Variants in RUSC2 observed in about 807,000 individuals in gnomAD.
The protein encoded by RUSC2 is RUN and SH3 domain containing 2, also known as AP-4 complex accessory subunit RUSC2.
Under a neutral mutation model 122.2 loss-of-function variants are expected in RUSC2, and 34 were observed. That is an observed-to-expected ratio of 0.28 (90% CI 0.21 to 0.37). The LOEUF (loss-of-function observed/expected upper bound fraction) is 0.37, where lower values mean the gene tolerates loss of function less well. RUSC2 is among the 10% of genes least tolerant of loss of function. RUSC2 has a pLI of 1.00. For synonymous variants in RUSC2, 784 were observed against 790.0 expected (o/e 0.99, Z 0.13); for missense variants, 1,747 against 1,952.4 (o/e 0.89, Z 1.98).
intron 1 of RUSC2, among the ~76,000 whole-genome samples, chr9:35,498,701 C>CA (rs1396424007): frequency 2.0e-4 from 29 of 146,250 alleles, no homozygotes; most frequent in Admixed American, 1.2e-3. Flanking sequence ...TACTAAAATT[C>CA]AAAAAAAAAA....
Position 35,546,562 on chromosome 9 carries a change from T to G in RUSC2, c.41T>G (p.Val14Gly), listed in dbSNP as rs2132550679. ...AAGCTGACTGGAGAGACCCTCATCGTTCATCACATCCCCCTGGTGCACTGC... is the reference window on the plus strand; with the variant it reads ...AAGCTGACTGGAGAGACCCTCATCGGTCATCACATCCCCCTGGTGCACTGC... ...PPKLTGETLI[V>G]HHIPLVHCQV... The change falls in exon 2 of 12, where the codon GTT becomes GGT. Residue 14 changes from valine to glycine, a missense_variant. By Grantham distance (109) the Val-to-Gly change is moderately radical (BLOSUM62 -3). Coordinates refer to ENST00000361226, the MANE Select transcript of RUSC2 (RefSeq NM_014806.5). The surrounding 1 kb of genome is among the most constrained non-coding windows in gnomAD (Gnocchi z 4.3). 6.7e-7 allele frequency: 1 copy of G among 1,488,672 alleles called. No homozygotes were observed. Among genetic ancestry groups the G allele is most frequent in the Non-Finnish European group, 8.9e-7 (1 of 1,119,392 alleles). The allele number at this position is 1,488,672 out of a possible 1,614,324, so 92.2% of individuals were successfully genotyped here. A position where few individuals can be genotyped will look rare whatever the true frequency, so the allele number is the denominator to read the frequency against.
At chr9:35,513,098 T>C (rs974099760) in intron 1 of RUSC2, among the ~76,000 whole-genome samples, 1 of 152,202 alleles carries the variant, frequency 6.6e-6, no homozygotes, top group African/African-American at 2.4e-5. Flanking sequence ...TGATGACTGC[T>C]AAGAAGCAGA....
intron 1 of RUSC2, among the ~76,000 whole-genome samples, chr9:35,537,908 TAC>T (rs1821562058): frequency 6.6e-6 from 1 of 152,212 alleles, no homozygotes. Context: ...CTACTTCCTG[TAC>T]AACTGGCTCT....
intron 5 of RUSC2, 68 bp downstream of exon 5, chr9:35,556,516 C>T (rs1445984110): frequency 2.9e-6 from 2 of 698,246 alleles, no homozygotes; most frequent in Non-Finnish European, 4.1e-6. Context: ...GCCCTACTAC[C>T]TAGCCAGTCT....
Position 35,560,147 on chromosome 9 carries a change from C to T in RUSC2, c.3507C>T (p.Ser1169=). ...AGCCCCTGGCCCTGCTGCCCTTCAG[C>T]CTCGACTTGCTGTTCCAGCACCGGC... ...LLQPLALLPF[S]LDLLFQHRLL... The change falls in exon 10 of 12, where the codon AGC becomes AGT. Residue 1169 remains serine (S), a synonymous_variant. Coordinates refer to ENST00000361226, the MANE Select transcript of RUSC2 (RefSeq NM_014806.5). The T allele has an allele frequency of 6.2e-7, 1 of 1,609,658 alleles. No homozygotes were observed. The highest frequency in any genetic ancestry group is 8.5e-7 in the Non-Finnish European group (1 of 1,179,960).
intron 1 of RUSC2, among the ~76,000 whole-genome samples, chr9:35,522,572 G>T (rs1368413446): frequency 1.3e-5 from 2 of 152,164 alleles, no homozygotes; most frequent in Non-Finnish European, 2.9e-5. Context: ...CCCTCAAATT[G>T]GGCTATTACC....
intron 5 of RUSC2, among the ~76,000 whole-genome samples, chr9:35,556,668 C>A (rs1196976049): frequency 1.3e-5 from 2 of 151,528 alleles, no homozygotes; most frequent in African/African-American, 2.4e-5. Context: ...ACTAAAAACA[C>A]AAAAAAAAAT....
chr9:35,535,510 C>G (rs1016155807), intron 1 of RUSC2, among the ~76,000 whole-genome samples: 5 of 145,726 alleles, frequency 3.4e-5, no homozygotes, highest in African/African-American at 1.3e-4. Flanking sequence ...ACCACTTATT[C>G]TGATTTACAC....
chr9:35,497,728 G>A (rs1216318016), intron 1 of RUSC2, among the ~76,000 whole-genome samples: 1 of 152,166 alleles, frequency 6.6e-6, no homozygotes, highest in Non-Finnish European at 1.5e-5. Flanking sequence ...TGCATTGGCA[G>A]TGGGCCCATT....
intron 1 of RUSC2, among the ~76,000 whole-genome samples, chr9:35,498,476 T>C (rs1267408880): frequency 6.6e-6 from 1 of 151,688 alleles, no homozygotes; most frequent in Non-Finnish European, 1.5e-5. Context: ...GAGGCAGAGG[T>C]TGCAGTGAGC....
chr9:35,560,809 T>C lies in RUSC2; in HGVS notation c.4169T>C (p.Phe1390Ser). Reference sequence around the variant, plus strand: ...GGAGGCATCAAGTGGGGACACCTCTTTGGCTCCCGAAAAGCCCAGCGGGAG... The same window carrying C: ...GGAGGCATCAAGTGGGGACACCTCTCTGGCTCCCGAAAAGCCCAGCGGGAG... ...SPGGIKWGHL[F>S]GSRKAQREAR... is the part of the protein sequence containing the mutation. Residue 1390 changes from phenylalanine to serine, a missense_variant, in exon 10 of 12, where the codon TTT (phenylalanine) becomes TCT (serine). Transcript: ENST00000361226. The C allele has an allele frequency of 6.5e-7, 1 of 1,528,938 alleles. No homozygotes were observed. The highest frequency in any genetic ancestry group is 1.3e-5 in the South Asian group (1 of 76,080). 94.7% of individuals were successfully genotyped at this position (1,528,938 alleles called of 1,614,324 possible).
chr9:35,504,469 C>CTT (rs200556621), intron 1 of RUSC2, among the ~76,000 whole-genome samples: 52 of 140,398 alleles, frequency 3.7e-4, no homozygotes, highest in Admixed American at 7.2e-4. Context: ...GGTTTTTTTT[C>CTT]TTTTTTTTTT....
intron 1 of RUSC2, among the ~76,000 whole-genome samples, chr9:35,523,822 T>TAA (rs545713127): frequency 1.4e-5 from 2 of 139,136 alleles, no homozygotes; most frequent in Admixed American, 1.4e-4. Flanking sequence ...CTCAAAAAAT[T>TAA]AAAAAAAAAA....
intron 1 of RUSC2, among the ~76,000 whole-genome samples, chr9:35,491,671 C>A (rs887370609): frequency 5.3e-5 from 8 of 152,190 alleles, no homozygotes; most frequent in Non-Finnish European, 1.0e-4. Flanking sequence ...TTGGATCAGG[C>A]CAGGCACAGT....
chr9:35,516,952 G>A (rs1821121002), intron 1 of RUSC2, among the ~76,000 whole-genome samples: 1 of 152,182 alleles, frequency 6.6e-6, no homozygotes, highest in Non-Finnish European at 1.5e-5. Flanking sequence ...CAATGGATAT[G>A]TTAATTAGCT....
intron 1 of RUSC2, among the ~76,000 whole-genome samples, chr9:35,544,913 GC>G: frequency 6.6e-6 from 1 of 152,104 alleles, no homozygotes; most frequent in Admixed American, 6.5e-5. Context: ...CTTAATATCT[GC>G]CCTTCTACAT....
intron 1 of RUSC2, among the ~76,000 whole-genome samples, chr9:35,491,840 T>C (rs1030944119): frequency 6.6e-6 from 1 of 151,520 alleles, no homozygotes; most frequent in African/African-American, 2.4e-5. Context: ...TCCCAGCAAC[T>C]CAGGAGGCTG....
At chr9:35,513,903 C>CACATAT (rs1448847953) in intron 1 of RUSC2, among the ~76,000 whole-genome samples, 3 of 104,236 alleles carry the variant, frequency 2.9e-5, no homozygotes, top group African/African-American at 1.1e-4. Flanking sequence ...CTTCAACAAA[C>CACATAT]ATATATATAT....
intron 2 of RUSC2, among the ~76,000 whole-genome samples, chr9:35,554,462 A>T (rs922532361): frequency 2.0e-5 from 3 of 152,240 alleles, no homozygotes; most frequent in African/African-American, 7.2e-5. Context: ...ATGTGCTGGC[A>T]TGATTGGAGA....
Sources: gnomAD v4.1 joint callset for allele counts (sites outside exome capture counted in the v4.1 genomes callset) on GRCh38, gnomAD v4.1.1 for gene constraint, Gnocchi (gnomAD v3.1) non-coding constraint, MANE v1.5 for transcripts, NCBI Gene and HGNC (gene_info 2026-07-23, HGNC 2026-07-21) for gene names.